The following GRK5 variants were observed in gnomAD, a reference collection of about 807,000 sequenced individuals.
GRK5 encodes g protein-coupled receptor kinase GRK5.
In GRK5, 40 loss-of-function variants were observed where a neutral mutation model predicts 78.4. The ratio of observed to expected loss-of-function variants is 0.51; its 90% CI spans 0.40 to 0.66. The LOEUF is 0.66. GRK5 is among the 30% of genes least tolerant of loss of function. The probability of loss-of-function intolerance (pLI) is 0.00; values close to 1 mark genes in which losing one functional copy is unlikely to be tolerated. For missense variants in GRK5, 598 were observed against 759.9 expected (o/e 0.79, Z 2.50); for synonymous variants, 289 against 296.8 (o/e 0.97, Z 0.27).
At chr10:119,252,019 G>A (rs1849211534) in intron 1 of GRK5, among the ~76,000 whole-genome samples, 1 of 152,176 alleles carries the variant, frequency 6.6e-6, no homozygotes, top group Non-Finnish European at 1.5e-5. Flanking sequence ...GCTGCATCTG[G>A]ACAGATGTGC....
At chr10:119,290,933 G>C (rs1849944495) in intron 1 of GRK5, among the ~76,000 whole-genome samples, 1 of 152,158 alleles carries the variant, frequency 6.6e-6, no homozygotes, top group African/African-American at 2.4e-5. Flanking sequence ...GTCCAAGTCA[G>C]AGACAGGAGC....
At chr10:119,320,746 C>G (rs1192587874) in intron 1 of GRK5, among the ~76,000 whole-genome samples, 12 of 152,220 alleles carry the variant, frequency 7.9e-5, no homozygotes, top group Non-Finnish European at 2.9e-5. Context: ...TCACCGAGGC[C>G]CTGAATGGGA....
chr10:119,410,028 C>T (rs778537700), intron 4 of GRK5, among the ~76,000 whole-genome samples: 2 of 152,254 alleles, frequency 1.3e-5, no homozygotes, highest in African/African-American at 4.8e-5. Context: ...CCTGCAGCTG[C>T]GCCGGGTCCC....
At chr10:119,384,915 G>A (rs1299922593) in intron 3 of GRK5, among the ~76,000 whole-genome samples, 2 of 152,240 alleles carry the variant, frequency 1.3e-5, no homozygotes, top group Non-Finnish European at 2.9e-5. Context: ...GGTTAAAGGA[G>A]GTTGGGAGTT....
chr10:119,360,995 G>A (rs1449430042), intron 2 of GRK5, among the ~76,000 whole-genome samples: 1 of 152,194 alleles, frequency 6.6e-6, no homozygotes, highest in Non-Finnish European at 1.5e-5. Context: ...GGGACAGCAG[G>A]TGCCTCTGGG....
chr10:119,396,926 C>T (rs75905408), intron 4 of GRK5, among the ~76,000 whole-genome samples, 154 bp downstream of exon 4: 4,805 of 152,342 alleles, frequency 0.032, 74 homozygotes, highest in Middle Eastern at 0.041. Context: ...CATCCTCCCC[C>T]AGAGAGTGCC....
At chr10:119,245,556 A>G (rs1000271067) in intron 1 of GRK5, among the ~76,000 whole-genome samples, 15 of 152,230 alleles carry the variant, frequency 9.9e-5, no homozygotes, top group African/African-American at 3.6e-4. Flanking sequence ...TTCCATTCAT[A>G]TGAGAAATTT....
At chr10:119,398,851 ACT>A (rs1467297964) in intron 4 of GRK5, among the ~76,000 whole-genome samples, 1 of 152,182 alleles carries the variant, frequency 6.6e-6, no homozygotes, top group Non-Finnish European at 1.5e-5. Context: ...CTGTCCTGCC[ACT>A]GTCTGTGGCC....
intron 1 of GRK5, among the ~76,000 whole-genome samples, chr10:119,273,754 GCA>G (rs1849623147): frequency 6.6e-6 from 1 of 152,234 alleles, no homozygotes; most frequent in East Asian, 1.9e-4. Flanking sequence ...TGAGATTTTT[GCA>G]CAGTCTCCTT....
chr10:119,399,284 T>G (rs1011330822), intron 4 of GRK5, among the ~76,000 whole-genome samples: 2 of 152,216 alleles, frequency 1.3e-5, no homozygotes, highest in East Asian at 3.9e-4. Flanking sequence ...CAATAAACTT[T>G]GCACTGCTTT....
chr10:119,370,922 G>A (rs1564908572), intron 2 of GRK5, among the ~76,000 whole-genome samples: 2 of 151,742 alleles, frequency 1.3e-5, no homozygotes, highest in Admixed American at 1.3e-4. Context: ...CCTTCAGTTG[G>A]TGGAGAGATG....
rs780448646 is a variant in GRK5 at position 119,271,837 on chromosome 10, G to A, written c.53-54679G>A. 1.2e-4 allele frequency among the ~76,000 whole-genome samples: 19 copies of A among 152,220 alleles called. No homozygotes were observed. Among genetic ancestry groups the A allele is most frequent in the Non-Finnish European group, 2.5e-4 (17 of 68,046 alleles). On this transcript the variant is annotated intron_variant, in intron 1 of 15. Transcript: ENST00000392870. The surrounding 1 kb of genome is among the most constrained non-coding windows in gnomAD (Gnocchi z 4.1). ...GGGAAGTTGCTTGCCTAATATGTGT[G>A]TGTTTCCTCATCTGTGAAGACAGCA...
At chr10:119,443,515 C>G in intron 11 of GRK5, 29 bp from the exon 12 acceptor site, 1 of 1,576,164 alleles carries the variant, frequency 6.3e-7, no homozygotes, top group African/African-American at 1.3e-5. Context: ...CCCTCCTCCT[C>G]ACTCCTCTCT....
rs1186903902 is a variant in GRK5 at position 119,238,590 on chromosome 10, C to T, written c.52+30621C>T. Among the ~76,000 whole-genome samples, 3 of 152,168 alleles carry T rather than the reference C, an allele frequency of 2.0e-5. No individual in the cohort carries two copies. The highest frequency in any genetic ancestry group is 2.1e-4 in the South Asian group (1 of 4,828). On this transcript the variant is annotated intron_variant, in intron 1 of 15. Transcript: ENST00000392870. The surrounding 1 kb of genome is among the most constrained non-coding windows in gnomAD (Gnocchi z 4.7). ...CTTGGACAATATGCAGGAAAACACC[C>T]GCCTTCTCTTAGACATGTAGGGTTC...
At chr10:119,376,317 G>A (rs1188204449) in intron 2 of GRK5, among the ~76,000 whole-genome samples, 2 of 152,178 alleles carry the variant, frequency 1.3e-5, no homozygotes, top group African/African-American at 4.8e-5. Context: ...CCTGTTGCTG[G>A]ATCAGTAACC....
At chr10:119,260,934 CGG>C (rs1849373774) in intron 1 of GRK5, among the ~76,000 whole-genome samples, 2 of 151,334 alleles carry the variant, frequency 1.3e-5, no homozygotes, top group Non-Finnish European at 2.9e-5. Context: ...ACCTCCCAGA[CGG>C]GGTGGTGGCC....
At chr10:119,347,787 A>G (rs988858644) in intron 2 of GRK5, among the ~76,000 whole-genome samples, 1 of 152,210 alleles carries the variant, frequency 6.6e-6, no homozygotes, top group African/African-American at 2.4e-5. Flanking sequence ...TGCTTCAGAT[A>G]GTCATCTCTG....
At chr10:119,389,428 ACAGT>A (rs1187638666) in intron 3 of GRK5, among the ~76,000 whole-genome samples, 2 of 152,188 alleles carry the variant, frequency 1.3e-5, no homozygotes, top group African/African-American at 4.8e-5. Context: ...GCACATAGAG[ACAGT>A]CAGAACATCT....
At chr10:119,225,206 G>A (rs767543536) in intron 1 of GRK5, among the ~76,000 whole-genome samples, 70 of 152,162 alleles carry the variant, frequency 4.6e-4, no homozygotes, top group Non-Finnish European at 9.0e-4. Flanking sequence ...TTACAGAAAG[G>A]AAGATTAAAT....
Sources: allele counts gnomAD v4.1 joint callset (sites outside exome capture counted in the v4.1 genomes callset), GRCh38; gene constraint gnomAD v4.1.1; non-coding constraint Gnocchi (gnomAD v3.1); transcripts MANE v1.5; gene names NCBI Gene and HGNC (gene_info 2026-07-23, HGNC 2026-07-21).